The following CACNA1C variants were observed in gnomAD, a reference collection of about 807,000 sequenced individuals.
CACNA1C encodes the protein voltage-dependent L-type calcium channel subunit alpha-1C.
CACNA1C carries 30 observed loss-of-function variants against 229.0 expected under a neutral mutation model. That is an observed-to-expected ratio of 0.13 (90% CI 0.10 to 0.18). The LOEUF is 0.18. CACNA1C is among the 10% of genes least tolerant of loss of function. The pLI is 1.00. For missense variants in CACNA1C, 1,658 were observed against 2,845.0 expected, an observed-to-expected ratio of 0.58 and a Z score of 9.49; for synonymous variants, 1,114 against 1,132.5, an observed-to-expected ratio of 0.98 and a Z score of 0.33.
chr12:2,336,144 T>G (rs2096688138), intron 3 of CACNA1C, among the ~76,000 whole-genome samples: 2 of 152,080 alleles, frequency 1.3e-5, no homozygotes, highest in Admixed American at 1.3e-4. Context: ...TGGAGAAGCT[T>G]CATTTCCCTA....
At chr12:2,470,862 G>A (rs775880547) in intron 5 of CACNA1C, among the ~76,000 whole-genome samples, 11 of 151,196 alleles carry the variant, frequency 7.3e-5, no homozygotes, top group Non-Finnish European at 1.6e-4. Flanking sequence ...TTTTGAGACC[G>A]AGTCTCGATC....
At chr12:2,308,970 A>G (rs1592321746) in intron 3 of CACNA1C, among the ~76,000 whole-genome samples, 1 of 152,208 alleles carries the variant, frequency 6.6e-6, no homozygotes, top group Non-Finnish European at 1.5e-5. Flanking sequence ...TAACCATAGG[A>G]TCCAGAAAGT....
intron 1 of CACNA1C, among the ~76,000 whole-genome samples, chr12:2,092,774 G>A (rs1204926643): frequency 2.0e-5 from 3 of 152,230 alleles, no homozygotes; most frequent in Non-Finnish European, 2.9e-5. Context: ...CGATAAGAAA[G>A]CTGGGGATCA....
intron 21 of CACNA1C, among the ~76,000 whole-genome samples, chr12:2,599,521 A>G (rs993210321): frequency 6.6e-6 from 1 of 152,230 alleles, no homozygotes; most frequent in African/African-American, 2.4e-5. Context: ...AAAAAAAGAC[A>G]GGTTTCATAG....
At chr12:2,378,135 G>T (rs567344519) in intron 3 of CACNA1C, among the ~76,000 whole-genome samples, 2 of 152,256 alleles carry the variant, frequency 1.3e-5, no homozygotes, top group South Asian at 4.1e-4. Context: ...CAGTAATAAT[G>T]ATTATAAAGT....
intron 1 of CACNA1C, among the ~76,000 whole-genome samples, chr12:2,043,442 G>T (rs2050490763): frequency 6.6e-6 from 1 of 152,116 alleles, no homozygotes; most frequent in Non-Finnish European, 1.5e-5. Context: ...TCTTGCAGCT[G>T]TACCATCTGG....
intron 1 of CACNA1C, among the ~76,000 whole-genome samples, chr12:2,059,485 C>CCGAGGGAACTAGA (rs2056600687): frequency 6.6e-6 from 1 of 151,966 alleles, no homozygotes; most frequent in African/African-American, 2.4e-5. Flanking sequence ...GTGAGGAAAG[C>CCGAGGGAACTAGA]GGGGGTTAAC....
rs552926143 is a variant in CACNA1C, at chr12:2,678,654, C to T, written c.5091+787C>T. ...GGGGGCAAGCTGAGCCCATCCTGCC[C>T]CTGCTCCGTCTCTTCCTCATCCTTA... On this transcript the variant is annotated intron_variant, in intron 41 of 46. Transcript: ENST00000399655. This position sits in a 1 kb window ranked among gnomAD's most constrained non-coding sequence, Gnocchi z 4.1. Among the ~76,000 whole-genome samples, 2 of 152,216 alleles carry T rather than the reference C, an allele frequency of 1.3e-5. No homozygotes were observed. The highest frequency in any genetic ancestry group is 2.9e-5 in the Non-Finnish European group (2 of 68,048).
intron 1 of CACNA1C, among the ~76,000 whole-genome samples, chr12:2,105,528 G>T (rs557636214): frequency 6.6e-6 from 1 of 152,208 alleles, no homozygotes; most frequent in Non-Finnish European, 1.5e-5. Flanking sequence ...AGGAGGAAGC[G>T]CAGTCAGATG....
chr12:2,403,438 A>G lies in CACNA1C; in HGVS notation c.478-45538A>G, dbSNP rs11829249. Among the ~76,000 whole-genome samples the G allele has an allele frequency of 0.19, 28,677 of 152,026 alleles. 3,244 individuals are homozygous for G. The highest frequency in any genetic ancestry group is 0.31 in the African/African-American group (12,919 of 41,418). ...AGGAGGGTTTAGAAGTCAAGGAGGAAGCTGCAGGCACGTGACTCCTGCACT... is the reference window on the plus strand; with the variant it reads ...AGGAGGGTTTAGAAGTCAAGGAGGAGGCTGCAGGCACGTGACTCCTGCACT... On this transcript the variant is annotated intron_variant, in intron 3 of 46. Coordinates refer to ENST00000399655, the MANE Select transcript of CACNA1C (RefSeq NM_000719.7). This position sits in a 1 kb window ranked among gnomAD's most constrained non-coding sequence, Gnocchi z 4.1.
At chr12:2,621,385 C>T (rs1353837682) in intron 29 of CACNA1C, among the ~76,000 whole-genome samples, 3 of 152,058 alleles carry the variant, frequency 2.0e-5, no homozygotes, top group African/African-American at 7.2e-5. Flanking sequence ...GCAAAGACCC[C>T]GAGGCAGGGG....
intron 3 of CACNA1C, among the ~76,000 whole-genome samples, chr12:2,155,916 G>A (rs1004867455): frequency 3.9e-5 from 6 of 151,928 alleles, no homozygotes; most frequent in Non-Finnish European, 7.4e-5. Flanking sequence ...TTCTTTTTCT[G>A]TCCCCTCCAT....
intron 8 of CACNA1C, among the ~76,000 whole-genome samples, chr12:2,507,287 G>A (rs1232193213): frequency 1.3e-5 from 2 of 152,126 alleles, no homozygotes; most frequent in Non-Finnish European, 2.9e-5. Context: ...GCCCTAAAGA[G>A]CAAAGATGTG....
chr12:2,207,138 C>T (rs544835994), intron 3 of CACNA1C, among the ~76,000 whole-genome samples: 1 of 152,174 alleles, frequency 6.6e-6, no homozygotes, highest in Non-Finnish European at 1.5e-5. Flanking sequence ...CTTCCCAAGG[C>T]AAGGCATCTT....
intron 1 of CACNA1C, among the ~76,000 whole-genome samples, chr12:2,040,905 A>G (rs1317113511): frequency 6.6e-6 from 1 of 152,258 alleles, no homozygotes; most frequent in African/African-American, 2.4e-5. Context: ...GAACATTAAG[A>G]GACCTGGCTA....
In CACNA1C at chr12:2,382,302, A is replaced by C. The variant is rs1473806325; in HGVS notation, c.478-66674A>C. Among the ~76,000 whole-genome samples the C allele has an allele frequency of 3.3e-5, 5 of 152,378 alleles. No individual in the cohort carries two copies. The South Asian group carries it at 6.2e-4, about 19-fold the overall frequency. On this transcript the variant is annotated intron_variant, in intron 3 of 46. Transcript: ENST00000399655. ...ATTGTTTGCTTTCAATACTACTTCA[A>C]AATTCTGGTAATCCACTAGATTTTG...
At chr12:2,535,332 T>A (rs1368916665) in intron 9 of CACNA1C, among the ~76,000 whole-genome samples, 2 of 150,016 alleles carry the variant, frequency 1.3e-5, no homozygotes. Context: ...GAGCTTGCAG[T>A]GAGCTGAGAT....
At chr12:2,367,791 T>A (rs2154536340) in intron 3 of CACNA1C, among the ~76,000 whole-genome samples, 1 of 152,244 alleles carries the variant, frequency 6.6e-6, no homozygotes, top group East Asian at 1.9e-4. Flanking sequence ...TGCTAAGAAA[T>A]TTGAAAATCT....
Position 2,285,092 on chromosome 12 carries a change from T to G in CACNA1C, c.478-163884T>G, listed in dbSNP as rs909279941. Among the ~76,000 whole-genome samples the G allele has an allele frequency of 5.9e-5, 9 of 152,188 alleles. No homozygotes were observed. The highest frequency in any genetic ancestry group is 2.2e-4 in the African/African-American group (9 of 41,452). On this transcript the variant is annotated intron_variant, in intron 3 of 46. Transcript: ENST00000399655. This position sits in a 1 kb window ranked among gnomAD's most constrained non-coding sequence, Gnocchi z 4.2. ...CTCTCTGGGAGGAGGGACGGGCCGC[T>G]AAGTGCTGACGGCAGCCTGTCACTC...
Sources: allele counts gnomAD v4.1 joint callset (sites outside exome capture counted in the v4.1 genomes callset), GRCh38; gene constraint gnomAD v4.1.1; non-coding constraint Gnocchi (gnomAD v3.1); transcripts MANE v1.5; gene names NCBI Gene and HGNC (gene_info 2026-07-23, HGNC 2026-07-21).